The following MLXIPL variants were observed in gnomAD, a reference collection of about 807,000 sequenced individuals.
MLXIPL encodes the protein carbohydrate-responsive element-binding protein.
MLXIPL carries 49 observed loss-of-function variants against 81.5 expected under a neutral mutation model. The observed-to-expected ratio is 0.60, with a 90% CI of 0.48 to 0.76. MLXIPL has a LOEUF of 0.76. Among genes scored for constraint, MLXIPL ranks in the 30% least tolerant of loss-of-function variants. MLXIPL has a pLI of 0.00. For missense variants in MLXIPL, 1,053 were observed against 1,167.0 expected (o/e 0.90, Z 1.42); for synonymous variants, 466 against 485.5 (o/e 0.96, Z 0.53).
rs148272008 is a variant in MLXIPL at position 73,605,737 on chromosome 7, C to T, written c.852G>A (p.Pro284=). 8.1e-6 allele frequency: 13 copies of T among 1,613,522 alleles called. No homozygotes were observed. The highest frequency in any genetic ancestry group is 1.7e-4 in the Middle Eastern group (1 of 6,014). Residue 284 remains proline, a synonymous_variant, in exon 7 of 17, where the codon CCG becomes CCA. Coordinates refer to ENST00000313375, the MANE Select transcript of MLXIPL (RefSeq NM_032951.3). ...AYVGNADMIQ[P]DLTPLQPSLD... is the part of the protein sequence containing the mutation. ...GGCTTGGCTGCAGTGGCGTCAGGTC[C>T]GGCTGGATCATGTCAGCATTGCCGA... is the stretch of plus-strand genomic sequence containing the variant.
At chr7:73,635,324 G>C in the MLXIPL span, among the ~76,000 whole-genome samples, 1 of 152,054 alleles carries the variant, frequency 6.6e-6, no homozygotes, top group Non-Finnish European at 1.5e-5. Context: ...AGGGGAGGAA[G>C]GACAGCAGGG....
intron 1 of MLXIPL, among the ~76,000 whole-genome samples, chr7:73,618,386 C>T (rs113904522): frequency 0.12 from 18,182 of 152,190 alleles, 1,430 homozygotes; most frequent in African/African-American, 0.22. Context: ...CGTGAGCCAC[C>T]GCACCTGGCC....
chr7:73,599,718 A>G, intron 7 of MLXIPL, 23 bp from the exon 8 acceptor site: 1 of 1,596,016 alleles, frequency 6.3e-7, no homozygotes, highest in Non-Finnish European at 8.5e-7. Context: ...CACACAGGGC[A>G]ACAGCAGTTA....
chr7:73,641,096 G>A, the MLXIPL span, among the ~76,000 whole-genome samples: 1 of 151,994 alleles, frequency 6.6e-6, no homozygotes, highest in Non-Finnish European at 1.5e-5. Flanking sequence ...GAGCCCAGGA[G>A]TTTGAGACCA....
chr7:73,623,241 AG>A lies in MLXIPL; in HGVS notation c.293+958del, dbSNP rs879957384. Among the ~76,000 whole-genome samples, 10 of 152,230 alleles carry A rather than the reference AG, an allele frequency of 6.6e-5. No individual in the cohort carries two copies. Among genetic ancestry groups the A allele is most frequent in the Admixed American group, 5.2e-4 (8 of 15,278 alleles). On this transcript the variant is annotated intron_variant, in intron 1 of 16. Transcript: ENST00000313375. This position sits in a 1 kb window ranked among gnomAD's most constrained non-coding sequence, Gnocchi z 5.7. ...CGATCTGTAGCCAGCGGTTCTCAGA[AG>A]GGGAGGAGGCGCCGCGGAGGAAGAG...
intron 1 of MLXIPL, among the ~76,000 whole-genome samples, chr7:73,618,100 T>C (rs1796106052): frequency 6.6e-6 from 1 of 152,186 alleles, no homozygotes; most frequent in Non-Finnish European, 1.5e-5. Context: ...GTCTTAGCCA[T>C]TTTTTCATTT....
rs782805942 is a variant in MLXIPL, at chr7:73,596,343, G to A, written c.1938+21C>T. 33 of 1,613,050 alleles carry A rather than the reference G, an allele frequency of 2.0e-5. 1 individual carries two copies. In the Admixed American group the frequency reaches 5.2e-4, roughly 25 times the overall value. On this transcript the variant is annotated intron_variant, in intron 12 of 16. Transcript: ENST00000313375. This position sits in a 1 kb window ranked among gnomAD's most constrained non-coding sequence, Gnocchi z 4.7. Reference sequence around the variant, plus strand: ...GGCCTGGGGGTAGCAAACCGATCTTGGGGTGGGGGATGGTGCCCACCTTGT... The same window carrying A: ...GGCCTGGGGGTAGCAAACCGATCTTAGGGTGGGGGATGGTGCCCACCTTGT...
the MLXIPL span, among the ~76,000 whole-genome samples, chr7:73,636,496 C>T: frequency 6.6e-6 from 1 of 151,486 alleles, no homozygotes; most frequent in African/African-American, 2.4e-5. Context: ...GAAACAAAGG[C>T]GGGGGCTGGG....
intron 2 of MLXIPL, among the ~76,000 whole-genome samples, chr7:73,613,563 A>C (rs1795829537): frequency 2.6e-5 from 4 of 152,184 alleles, no homozygotes; most frequent in Admixed American, 2.6e-4. Flanking sequence ...GTGCCATTGC[A>C]CTTCAGCATG....
chr7:73,597,037 G>C, intron 9 of MLXIPL, 105 bp from the exon 10 acceptor site: 1 of 1,466,204 alleles, frequency 6.8e-7, no homozygotes, highest in Non-Finnish European at 9.3e-7. Context: ...TTTAGGTACA[G>C]GCCCCACATC....
At chr7:73,634,838 C>T in the MLXIPL span, among the ~76,000 whole-genome samples, 8 of 89,848 alleles carry the variant, frequency 8.9e-5, 1 homozygote, top group Non-Finnish European at 1.2e-4. Context: ...TATTTTGAGA[C>T]GGAGTCTCAT....
the MLXIPL span, among the ~76,000 whole-genome samples, chr7:73,636,256 AAAAATT>A: frequency 6.6e-6 from 1 of 152,008 alleles, no homozygotes; most frequent in Non-Finnish European, 1.5e-5. Context: ...CTAAAAACAC[AAAAATT>A]AGCCGGATCC....
At position 73,597,346 on chromosome 7, in the gene MLXIPL, G is replaced by A. The variant is rs782056579; in HGVS notation, c.1439C>T (p.Ser480Leu). 3.9e-4 allele frequency: 526 copies of A among 1,342,244 alleles called. 1 individual carries two copies. The highest frequency in any genetic ancestry group is 1.1e-3 in the South Asian group (85 of 75,818). The allele number at this position is 1,342,244 out of a possible 1,614,324, so 83.1% of individuals were successfully genotyped here. ...FPIELLPLGY[S>L]EPAFGPCFSM... ...GAAGCAAGGCCCAAAGGCAGGCTCC[G>A]AATACCCCAAGGGTAGAAGCTCTAT... The change falls in exon 9 of 17, where the codon TCG becomes TTG. Residue 480 changes from serine to leucine, a missense_variant. By Grantham distance (145) the Ser-to-Leu change is moderately radical. Transcript: ENST00000313375.
chr7:73,640,571 G>C, the MLXIPL span, among the ~76,000 whole-genome samples: 4 of 151,942 alleles, frequency 2.6e-5, no homozygotes, highest in Non-Finnish European at 5.9e-5. Context: ...GAGGTCAGGA[G>C]TTCGAGGCCA....
upstream of MLXIPL, among the ~76,000 whole-genome samples, chr7:73,627,330 C>A (rs1796769664): frequency 6.6e-6 from 1 of 151,068 alleles, no homozygotes; most frequent in Non-Finnish European, 1.5e-5. Flanking sequence ...CTCACTGCAA[C>A]CTCCGCCTCC....
intron 1 of MLXIPL, among the ~76,000 whole-genome samples, chr7:73,622,504 AT>A (rs1216902167): frequency 1.7e-3 from 245 of 145,088 alleles, no homozygotes; most frequent in Non-Finnish European, 2.3e-3. Context: ...AAAAAAAAAA[AT>A]TTTTTTTTTT....
At chr7:73,602,224 T>C (rs1451122926) in intron 7 of MLXIPL, among the ~76,000 whole-genome samples, 1 of 146,034 alleles carries the variant, frequency 6.8e-6, no homozygotes, top group African/African-American at 2.5e-5. Flanking sequence ...TTTCTTTCTT[T>C]TTTTTTTTTT....
intron 2 of MLXIPL, among the ~76,000 whole-genome samples, chr7:73,613,015 G>A (rs1425787916): frequency 4.6e-5 from 7 of 152,274 alleles, no homozygotes; most frequent in African/African-American, 2.4e-5. Flanking sequence ...ACACCAAGAC[G>A]ATTTCAGAGT....
At chr7:73,613,168 C>G (rs1235987529) in intron 2 of MLXIPL, among the ~76,000 whole-genome samples, 1 of 152,150 alleles carries the variant, frequency 6.6e-6, no homozygotes, top group Non-Finnish European at 1.5e-5. Context: ...TCCCCACTCC[C>G]GTGAAGCCCA....
Sources: gnomAD v4.1 joint callset for allele counts (sites outside exome capture counted in the v4.1 genomes callset) on GRCh38, gnomAD v4.1.1 for gene constraint, Gnocchi (gnomAD v3.1) non-coding constraint, MANE v1.5 for transcripts, NCBI Gene and HGNC (gene_info 2026-07-23, HGNC 2026-07-21) for gene names.